The following RABL6 variants were observed in gnomAD, a reference collection of about 807,000 sequenced individuals.
RABL6 encodes the protein RAB, member RAS oncogene family like 6, also known as rab-like protein 6.
A neutral mutation model predicts 72.9 loss-of-function variants in RABL6; 28 were observed. The observed-to-expected ratio is 0.38, with a 90% CI of 0.28 to 0.53. The LOEUF is 0.53. RABL6 is among the 20% of genes least tolerant of loss of function. RABL6 has a pLI of 0.80. For missense variants in RABL6, 1,029 were observed against 1,008.4 expected (o/e 1.02, Z -0.28); for synonymous variants, 477 against 421.2 (o/e 1.13, Z -1.62).
intron 12 of RABL6, 37 bp from the exon 13 acceptor site, chr9:136,839,657 G>C (rs559230841): frequency 1.3e-6 from 2 of 1,554,594 alleles, no homozygotes; most frequent in Non-Finnish European, 1.7e-6. Context: ...GGGTGTGGGA[G>C]GGATGATGGC....
At chr9:136,815,084 T>TCATCCC in intron 1 of RABL6, 1 of 220,480 alleles carries the variant, frequency 4.5e-6, no homozygotes, top group South Asian at 5.6e-5. Flanking sequence ...GTCCTCGTCC[T>TCATCCC]CATCCCCTGA....
At chr9:136,823,150 C>G (rs1471110734) in intron 1 of RABL6, among the ~76,000 whole-genome samples, 1 of 151,870 alleles carries the variant, frequency 6.6e-6, no homozygotes, top group Non-Finnish European at 1.5e-5. Context: ...TCCGCAGAAG[C>G]CTGGGGTGCT....
intron 3 of RABL6, 136 bp from the exon 4 acceptor site, chr9:136,828,358 G>A (rs1244009053): frequency 2.1e-5 from 17 of 811,298 alleles, no homozygotes; most frequent in Non-Finnish European, 3.4e-5. Flanking sequence ...GGGTGCCCAC[G>A]CTGCAGGCTG....
intron 1 of RABL6, among the ~76,000 whole-genome samples, chr9:136,817,303 T>C (rs1334732667): frequency 1.3e-5 from 2 of 152,142 alleles, no homozygotes; most frequent in African/African-American, 4.8e-5. Context: ...CTGAGGACTT[T>C]CCAGAGTTCA....
Position 136,807,985 on chromosome 9 carries a change from G to C in RABL6, c.-212G>C. The C allele has an allele frequency of 9.9e-7, 1 of 1,009,166 alleles. No individual in the cohort carries two copies. The highest frequency in any genetic ancestry group is 1.7e-5 in the African/African-American group (1 of 57,472). The allele number at this position is 1,009,166 out of a possible 1,614,324, so 62.5% of individuals were successfully genotyped here. A position where few individuals can be genotyped will look rare whatever the true frequency, so the allele number is the denominator to read the frequency against. On this transcript the variant is annotated 5_prime_UTR_variant, in exon 1 of 15. Coordinates refer to ENST00000311502, the MANE Select transcript of RABL6 (RefSeq NM_024718.5). ...TGACTCCTGGAGAGCGGTCGCGCCG[G>C]AGGCCGCGGGGGCCGGAGCGGAGCA...
rs776377340 is a variant in RABL6 at position 136,829,448 on chromosome 9, A to G, written c.422A>G (p.Asn141Ser). ...TTCCTGGACGTGTACAAGAACTGCA[A>G]CGGGGTGGTCATGATGTTCGACATT... ...AEFLDVYKNC[N>S]GVVMMFDITK... Residue 141 changes from asparagine (N) to serine (S), a missense_variant, in exon 5 of 15, where the codon AAC becomes AGC. Asn to Ser is a conservative substitution (Grantham distance 46). Around this residue, in one of 2 missense-constraint regions of RABL6, gnomAD observed 434 missense variants for 536.1 expected, o/e 0.81. Transcript: ENST00000311502. 3.1e-6 allele frequency: 5 copies of G among 1,588,696 alleles called. No homozygotes were observed. The highest frequency in any genetic ancestry group is 3.4e-6 in the Non-Finnish European group (4 of 1,167,892).
chr9:136,816,837 A>G (rs1486889463), intron 1 of RABL6, among the ~76,000 whole-genome samples: 3 of 152,018 alleles, frequency 2.0e-5, no homozygotes, highest in South Asian at 2.1e-4. Flanking sequence ...TTGTGGCCAT[A>G]TAGTAGGTGT....
chr9:136,815,273 G>A (rs1212137174), intron 1 of RABL6: 13 of 289,058 alleles, frequency 4.5e-5, no homozygotes, highest in Non-Finnish European at 7.0e-5. Flanking sequence ...CAGGTGTGGC[G>A]ACTGCTTTGC....
chr9:136,813,222 C>T (rs984002192), intron 1 of RABL6: 8 of 528,476 alleles, frequency 1.5e-5, no homozygotes, highest in Non-Finnish European at 2.5e-5. Context: ...CCCCCAGTTT[C>T]CCTTTTATTA....
chr9:136,817,888 G>A (rs908860540), intron 1 of RABL6, among the ~76,000 whole-genome samples: 8 of 150,844 alleles, frequency 5.3e-5, no homozygotes, highest in Admixed American at 4.6e-4. Flanking sequence ...ATGGTGAAAC[G>A]CTGTCTCTAC....
chr9:136,833,066 C>T (rs1210360800), intron 7 of RABL6: 1 of 304,686 alleles, frequency 3.3e-6, no homozygotes, highest in Admixed American at 5.0e-5. Flanking sequence ...GTCTGGGGAC[C>T]TGAACCTCCT....
intron 4 of RABL6, 50 bp from the exon 5 acceptor site, chr9:136,829,330 TGTGGGCCACACGG>T: frequency 7.9e-7 from 1 of 1,261,646 alleles, no homozygotes; most frequent in Non-Finnish European, 1.1e-6. Context: ...TTTCTAAAAC[TGTGGGCCACACGG>T]GTGGGGCCCA....
At chr9:136,838,070 C>G in intron 10 of RABL6, 55 bp downstream of exon 10, 1 of 1,541,114 alleles carries the variant, frequency 6.5e-7, no homozygotes. Context: ...CCAGGGTGCC[C>G]GAGCAGCAGG....
chr9:136,823,056 A>C (rs562765095), intron 1 of RABL6, among the ~76,000 whole-genome samples: 6 of 147,744 alleles, frequency 4.1e-5, no homozygotes, highest in South Asian at 4.6e-4. Context: ...CCACTGCAGT[A>C]CGGCCTGGGC....
Position 136,831,763 on chromosome 9 carries a change from C to G in RABL6, c.501C>G (p.Thr167=). 1 of 1,613,494 alleles carries G rather than the reference C, an allele frequency of 6.2e-7. No homozygotes were observed. Among genetic ancestry groups the G allele is most frequent in the Non-Finnish European group, 8.5e-7 (1 of 1,179,848 alleles). The part of the protein sequence containing the change: ...YILRELPKVP[T]HVPVCVLGNY... Reference sequence around the variant, plus strand: ...TCCGGGAGCTTCCAAAAGTGCCCACCCACGTGCCAGTGTGCGTGCTGGGAA... The same window carrying G: ...TCCGGGAGCTTCCAAAAGTGCCCACGCACGTGCCAGTGTGCGTGCTGGGAA... Residue 167 remains threonine (T), a synonymous_variant, in exon 6 of 15, where the codon ACC becomes ACG. Transcript: ENST00000311502.
In RABL6 at chr9:136,841,020, G is replaced by T. The variant is rs1435301329; in HGVS notation, c.*498G>T. 2.1e-6 allele frequency: 3 copies of T among 1,434,902 alleles called. No homozygotes were observed. Among genetic ancestry groups the T allele is most frequent in the Non-Finnish European group, 2.7e-6 (3 of 1,091,966 alleles). The allele number at this position is 1,434,902 out of a possible 1,614,324, so 88.9% of individuals were successfully genotyped here. On this transcript the variant is annotated 3_prime_UTR_variant, in exon 15 of 15. Coordinates refer to ENST00000311502, the MANE Select transcript of RABL6 (RefSeq NM_024718.5). The stretch of plus-strand genomic sequence containing the variant: ...GGGCGGCCCAGGCCCCACGCTAGAA[G>T]GCTGGCGAGACCGAAGGCAGCATGT...
chr9:136,839,954 C>T (rs1450518756), intron 13 of RABL6, 89 bp downstream of exon 13: 12 of 1,523,786 alleles, frequency 7.9e-6, no homozygotes. Flanking sequence ...GGCCGGGGTC[C>T]TCTCCTGAGT....
intron 10 of RABL6, 35 bp from the exon 11 acceptor site, chr9:136,838,874 C>A: frequency 6.6e-7 from 1 of 1,503,846 alleles, no homozygotes; most frequent in South Asian, 1.3e-5. Flanking sequence ...ATCCCTACCC[C>A]GTGGCCCTTG....
At chr9:136,812,645 C>A (rs377367333) in intron 1 of RABL6, 40 of 166,362 alleles carry the variant, frequency 2.4e-4, no homozygotes, top group African/African-American at 7.4e-4. Flanking sequence ...GTTGTCTATA[C>A]GAATTTCCAA....
Sources: allele counts gnomAD v4.1 joint callset (sites outside exome capture counted in the v4.1 genomes callset), GRCh38; gene constraint gnomAD v4.1.1; regional missense constraint gnomAD v4.1.1; transcripts MANE v1.5; gene names NCBI Gene and HGNC (gene_info 2026-07-23, HGNC 2026-07-21).